BCAT1: variants seen among roughly 807,000 people sequenced by gnomAD.
The protein encoded by BCAT1 is branched chain amino acid transaminase 1, also known as branched-chain-amino-acid aminotransferase, cytosolic.
Under a neutral mutation model 52.4 loss-of-function variants are expected in BCAT1, and 48 were observed. The ratio of observed to expected loss-of-function variants is 0.92; its 90% CI spans 0.73 to 1.16. The LOEUF (loss-of-function observed/expected upper bound fraction) is 1.16. BCAT1 is among the 50% of genes most tolerant of loss of function. BCAT1 has a pLI of 0.00. For missense variants in BCAT1, 451 were observed against 457.1 expected (o/e 0.99, Z 0.12); for synonymous variants, 167 against 161.3 (o/e 1.04, Z -0.27).
At chr12:24,873,408 G>A (rs1942238360) in intron 5 of BCAT1, among the ~76,000 whole-genome samples, 1 of 152,150 alleles carries the variant, frequency 6.6e-6, no homozygotes, top group Non-Finnish European at 1.5e-5. Flanking sequence ...TTTTGGTAAT[G>A]TGAATGATTT....
chr12:24,935,259 C>T (rs1423166131), intron 1 of BCAT1, among the ~76,000 whole-genome samples: 2 of 152,182 alleles, frequency 1.3e-5, no homozygotes, highest in East Asian at 1.9e-4. Flanking sequence ...ACGCAAAATG[C>T]AGAAAAATAT....
Position 24,817,266 on chromosome 12 carries a change from A to G in BCAT1, c.*742T>C, listed in dbSNP as rs1939910814. The G allele has an allele frequency of 1.3e-5, 2 of 152,298 alleles. No homozygotes were observed. Among genetic ancestry groups the G allele is most frequent in the African/African-American group, 4.8e-5 (2 of 41,446 alleles). The allele number at this position is 152,298 out of a possible 1,614,324, so 9.4% of individuals were successfully genotyped here. A position where few individuals can be genotyped will look rare whatever the true frequency, so the allele number is the denominator to read the frequency against. ...TTCTATAGAAGCAAAATGTTCACTG[A>G]TTCATTATAAAACCATTTACTGAGT... is the stretch of plus-strand genomic sequence containing the variant. On this transcript the variant is annotated 3_prime_UTR_variant, in exon 11 of 11. Coordinates refer to ENST00000261192, the MANE Select transcript of BCAT1 (RefSeq NM_005504.7).
intron 10 of BCAT1, among the ~76,000 whole-genome samples, chr12:24,825,135 GTATA>G (rs10548732): frequency 0.54 from 79,650 of 146,230 alleles, 22,035 homozygotes; most frequent in East Asian, 0.78. Flanking sequence ...GTGTGTGTGT[GTATA>G]TATATATATA....
rs1295834448 is a variant in BCAT1 at position 24,829,889 on chromosome 12, G to A, written c.1053C>T (p.His351=). The A allele has an allele frequency of 2.5e-6, 4 of 1,608,610 alleles. No individual in the cohort carries two copies. The highest frequency in any genetic ancestry group is 3.4e-6 in the Non-Finnish European group (4 of 1,176,788). ...SDILYKGETI[H]IPTMENGPKL... ...TAGGACCATTCTCCATAGTTGGAAT[G>A]TGTATTGTCTACAAAAGAAAGGGAA... The change falls in exon 10 of 11, where the codon CAC becomes CAT. Residue 351 remains histidine (H), a synonymous_variant. Coordinates refer to ENST00000261192, the MANE Select transcript of BCAT1 (RefSeq NM_005504.7).
intron 4 of BCAT1, 38 bp from the exon 5 acceptor site, chr12:24,878,687 C>A (rs1319073420): frequency 6.4e-7 from 1 of 1,560,286 alleles, no homozygotes; most frequent in South Asian, 1.2e-5. Context: ...ACAGAATTTT[C>A]TCACAATGTG....
chr12:24,862,528 C>G (rs1778508089), intron 5 of BCAT1, among the ~76,000 whole-genome samples: 1 of 152,132 alleles, frequency 6.6e-6, no homozygotes, highest in Admixed American at 6.5e-5. Flanking sequence ...GATGTATAGG[C>G]CCTAACTGTA....
chr12:24,903,257 G>A, intron 1 of BCAT1: 1 of 579,766 alleles, frequency 1.7e-6, no homozygotes, highest in Non-Finnish European at 2.5e-6. Context: ...GTCGCTTGCG[G>A]AGGCCCGAGA....
chr12:24,898,914 A>T (rs1018046148), intron 2 of BCAT1, among the ~76,000 whole-genome samples: 1 of 152,228 alleles, frequency 6.6e-6, no homozygotes, highest in Non-Finnish European at 1.5e-5. Context: ...TGTATCAGAC[A>T]TTTAATAACT....
intron 9 of BCAT1, among the ~76,000 whole-genome samples, chr12:24,832,073 T>C (rs999133681): frequency 1.3e-5 from 2 of 152,218 alleles, no homozygotes; most frequent in African/African-American, 4.8e-5. Context: ...GATTGACCAC[T>C]CGAATGCATT....
chr12:24,851,032 G>A (rs1457687568), intron 5 of BCAT1, among the ~76,000 whole-genome samples: 1 of 152,112 alleles, frequency 6.6e-6, no homozygotes, highest in East Asian at 1.9e-4. Flanking sequence ...CATCACAAGA[G>A]CAGTTATAAA....
chr12:24,935,569 T>C (rs1298268959), intron 1 of BCAT1, among the ~76,000 whole-genome samples: 1 of 152,200 alleles, frequency 6.6e-6, no homozygotes, highest in Non-Finnish European at 1.5e-5. Context: ...ACAATGAATC[T>C]TCTAATTCTA....
At chr12:24,926,464 A>G (rs935325036) in intron 1 of BCAT1, among the ~76,000 whole-genome samples, 14 of 152,382 alleles carry the variant, frequency 9.2e-5, no homozygotes, top group Admixed American at 6.5e-4. Flanking sequence ...AGGTGTACCC[A>G]ACAGCTCATT....
chr12:24,829,710 T>C, intron 10 of BCAT1, 113 bp downstream of exon 10: 1 of 874,738 alleles, frequency 1.1e-6, no homozygotes, highest in African/African-American at 1.7e-5. Context: ...TCAAATTGTA[T>C]TATTTAATCC....
At chr12:24,848,224 G>A (rs999777309) in intron 6 of BCAT1, among the ~76,000 whole-genome samples, 1 of 152,096 alleles carries the variant, frequency 6.6e-6, no homozygotes. Context: ...TATTATTTTA[G>A]AGTACTTTTA....
intron 9 of BCAT1, among the ~76,000 whole-genome samples, chr12:24,831,370 C>T (rs115239153): frequency 0.01 from 1,540 of 152,200 alleles, 25 homozygotes; most frequent in African/African-American, 0.035. Context: ...ATATGTGGGC[C>T]GGGCATGGTG....
At chr12:24,946,714 C>T (rs74070631) in intron 1 of BCAT1, among the ~76,000 whole-genome samples, 9 of 152,126 alleles carry the variant, frequency 5.9e-5, no homozygotes, top group Non-Finnish European at 4.4e-5. Flanking sequence ...GATCGCTCTG[C>T]GCTATTTTTC....
chr12:24,855,426 G>T (rs1941647157), intron 5 of BCAT1, among the ~76,000 whole-genome samples: 1 of 151,848 alleles, frequency 6.6e-6, no homozygotes, highest in African/African-American at 2.4e-5. Flanking sequence ...TCTTGCCCAG[G>T]GTGGAGTGCA....
At chr12:24,873,153 G>T (rs546275426) in intron 5 of BCAT1, among the ~76,000 whole-genome samples, 1 of 152,340 alleles carries the variant, frequency 6.6e-6, no homozygotes, top group South Asian at 2.1e-4. Flanking sequence ...TATTGAACAT[G>T]ACAGTCATAT....
chr12:24,923,903 C>A (rs1943539704), intron 1 of BCAT1, among the ~76,000 whole-genome samples: 1 of 152,150 alleles, frequency 6.6e-6, no homozygotes, highest in South Asian at 2.1e-4. Flanking sequence ...CCCTTCTCTG[C>A]CATTAGTGAA....
Sources: gnomAD v4.1 joint callset for allele counts (sites outside exome capture counted in the v4.1 genomes callset) on GRCh38, gnomAD v4.1.1 for gene constraint, MANE v1.5 for transcripts, NCBI Gene and HGNC (gene_info 2026-07-23, HGNC 2026-07-21) for gene names.